Variants in THSD4 observed in about 807,000 individuals in gnomAD.
THSD4 encodes the protein thrombospondin type 1 domain containing 4, also known as thrombospondin type-1 domain-containing protein 4.
A neutral mutation model predicts 119.0 loss-of-function variants in THSD4; 69 were observed. That is an observed-to-expected ratio of 0.58 (90% CI 0.48 to 0.71). The LOEUF (loss-of-function observed/expected upper bound fraction) is 0.71. Among genes scored for constraint, THSD4 ranks in the 30% least tolerant of loss-of-function variants. THSD4 has a pLI of 0.00. For synonymous variants in THSD4, 524 were observed against 540.4 expected (o/e 0.97, Z 0.42); for missense variants, 1,393 against 1,391.1 (o/e 1.00, Z -0.02).
At chr15:71,199,616 T>A (rs1567154673) in intron 3 of THSD4, among the ~76,000 whole-genome samples, 2 of 143,998 alleles carry the variant, frequency 1.4e-5, no homozygotes, top group Non-Finnish European at 3.0e-5. Context: ...GTGTGTGGTG[T>A]GTGGGTGTGT....
At chr15:71,508,479 C>T (rs918395923) in intron 7 of THSD4, among the ~76,000 whole-genome samples, 9 of 152,174 alleles carry the variant, frequency 5.9e-5, no homozygotes, top group African/African-American at 2.2e-4. Context: ...CCCAAATCCC[C>T]AGAGGCAAGG....
intron 7 of THSD4, among the ~76,000 whole-genome samples, chr15:71,481,765 G>A (rs1241755908): frequency 6.6e-6 from 1 of 152,174 alleles, no homozygotes; most frequent in Non-Finnish European, 1.5e-5. Flanking sequence ...ATTGGCTAGA[G>A]TATTATTTTC....
intron 8 of THSD4, among the ~76,000 whole-genome samples, chr15:71,727,553 AATATATATATATATATATAT>A (rs869196877): frequency 8.1e-6 from 1 of 122,790 alleles, no homozygotes; most frequent in African/African-American, 3.9e-5. Context: ...AAAAAAAAAA[AATATATATATATATATATAT>A]ATATATATAT....
intron 7 of THSD4, among the ~76,000 whole-genome samples, chr15:71,559,690 T>A (rs2140877250): frequency 6.6e-6 from 1 of 152,232 alleles, no homozygotes; most frequent in East Asian, 1.9e-4. Flanking sequence ...GGAACATTAA[T>A]AAGATAATGT....
At chr15:71,233,483 A>AC (rs1028610268) in intron 4 of THSD4, among the ~76,000 whole-genome samples, 54 of 152,300 alleles carry the variant, frequency 3.5e-4, no homozygotes, top group Non-Finnish European at 5.9e-4. Flanking sequence ...CTTTAAAAAA[A>AC]ACACACACGC....
At chr15:71,233,841 T>C (rs2044080718) in intron 4 of THSD4, among the ~76,000 whole-genome samples, 1 of 152,150 alleles carries the variant, frequency 6.6e-6, no homozygotes. Context: ...CTCAGACACT[T>C]CGTGTTAAGC....
At chr15:71,763,716 A>C (rs923100264) in intron 15 of THSD4, among the ~76,000 whole-genome samples, 1 of 151,812 alleles carries the variant, frequency 6.6e-6, no homozygotes, top group Non-Finnish European at 1.5e-5. Context: ...AAGTGCTAGG[A>C]TTATAGGAGT....
At chr15:71,739,942 TA>T (rs2053204125) in intron 11 of THSD4, among the ~76,000 whole-genome samples, 1 of 152,222 alleles carries the variant, frequency 6.6e-6, no homozygotes, top group Admixed American at 6.5e-5. Flanking sequence ...TGACAGCTTC[TA>T]AAGTTTTTAT....
In THSD4 at chr15:71,154,771, C is replaced by CA. The variant is rs371496031; in HGVS notation, c.30-91dup. Reference sequence around the variant, plus strand: ...GGCCTGGGTTGGGCTGTTCCCCCCCCATCCACTGATGAGATGGCGATGCTG... The same window carrying CA: ...GGCCTGGGTTGGGCTGTTCCCCCCCCAATCCACTGATGAGATGGCGATGCTG... On this transcript the variant is annotated intron_variant, in intron 2 of 17. Transcript: ENST00000261862. The CA allele has an allele frequency of 4.6e-6, 6 of 1,290,834 alleles. No homozygotes were observed. The South Asian group carries it at 7.2e-5, about 15-fold the overall frequency. The allele number at this position is 1,290,834 out of a possible 1,614,324, so 80.0% of individuals were successfully genotyped here.
At position 71,642,084 on chromosome 15, in the gene THSD4, C is replaced by T. The variant is rs370122926; in HGVS notation, c.1153-18446C>T. 5.3e-5 allele frequency among the ~76,000 whole-genome samples: 8 copies of T among 152,266 alleles called. No homozygotes were observed. The South Asian group carries it at 1.5e-3, about 28-fold the overall frequency. On this transcript the variant is annotated intron_variant, in intron 7 of 17. Transcript: ENST00000261862. ...AGAGAGAAGAGGATTTATTACAAGT[C>T]AGGATCATTCAGGGATGAACTGGCT... is the stretch of plus-strand genomic sequence containing the variant.
At chr15:71,229,512 A>G (rs1350434057) in intron 4 of THSD4, among the ~76,000 whole-genome samples, 2 of 152,216 alleles carry the variant, frequency 1.3e-5, no homozygotes, top group Non-Finnish European at 2.9e-5. Context: ...ATACTGATAC[A>G]ATGTAAATAC....
chr15:71,238,142 T>C (rs1426800249), intron 4 of THSD4, among the ~76,000 whole-genome samples: 2 of 152,248 alleles, frequency 1.3e-5, no homozygotes, highest in East Asian at 3.9e-4. Context: ...TCACACATGA[T>C]GCTCAATAGG....
At chr15:71,278,715 G>A (rs902138772) in intron 6 of THSD4, among the ~76,000 whole-genome samples, 11 of 152,148 alleles carry the variant, frequency 7.2e-5, no homozygotes, top group African/African-American at 2.7e-4. Context: ...GCAGGTTAGA[G>A]GGGTGGAGAA....
chr15:71,552,445 G>A (rs1369966455), intron 7 of THSD4, among the ~76,000 whole-genome samples: 4 of 152,130 alleles, frequency 2.6e-5, no homozygotes, highest in Admixed American at 6.5e-5. Flanking sequence ...GTTATTTGTG[G>A]CAAATAGAAA....
At chr15:71,313,909 G>A (rs1464589724) in intron 6 of THSD4, among the ~76,000 whole-genome samples, 1 of 152,162 alleles carries the variant, frequency 6.6e-6, no homozygotes, top group Non-Finnish European at 1.5e-5. Flanking sequence ...CACAGCATGG[G>A]CTCCTACTAA....
Position 71,716,654 on chromosome 15 carries a change from T to C in THSD4, c.1358-11895T>C, listed in dbSNP as rs535558136. ...ATAGCTGACTGTACTTGTGGGGTGA[T>C]GCCAGGCCAGCGAGTGGGCTGTTAT... is the stretch of plus-strand genomic sequence containing the variant. On this transcript the variant is annotated intron_variant, in intron 8 of 17. Coordinates refer to ENST00000261862, the MANE Select transcript of THSD4 (RefSeq NM_024817.3). Among the ~76,000 whole-genome samples the C allele has an allele frequency of 5.9e-5, 9 of 151,502 alleles. No homozygotes were observed. In the South Asian group the frequency reaches 1.9e-3, roughly 32 times the overall value.
chr15:71,439,144 T>C (rs2047054579), intron 7 of THSD4, among the ~76,000 whole-genome samples: 1 of 152,178 alleles, frequency 6.6e-6, no homozygotes, highest in Admixed American at 6.5e-5. Context: ...GAAAAACAAA[T>C]CACTGCTCCC....
At chr15:71,447,854 C>T (rs1370959444) in intron 7 of THSD4, among the ~76,000 whole-genome samples, 1 of 152,156 alleles carries the variant, frequency 6.6e-6, no homozygotes, top group African/African-American at 2.4e-5. Flanking sequence ...GTTCTGCTCT[C>T]CTTGGCATGT....
At chr15:71,672,622 G>A (rs1456894819) in intron 8 of THSD4, among the ~76,000 whole-genome samples, 1 of 152,146 alleles carries the variant, frequency 6.6e-6, no homozygotes, top group African/African-American at 2.4e-5. Flanking sequence ...TTGGCTGTGG[G>A]TTTGTCATGA....
Sources: gnomAD v4.1 joint callset for allele counts (sites outside exome capture counted in the v4.1 genomes callset) on GRCh38, gnomAD v4.1.1 for gene constraint, MANE v1.5 for transcripts, NCBI Gene and HGNC (gene_info 2026-07-23, HGNC 2026-07-21) for gene names.